The following TCAIM variants were observed in gnomAD, a reference collection of about 807,000 sequenced individuals.
The protein encoded by TCAIM is T cell activation inhibitor, mitochondrial.
Under a neutral mutation model 58.6 loss-of-function variants are expected in TCAIM, and 36 were observed. That is an observed-to-expected ratio of 0.61 (90% confidence interval 0.47 to 0.81). The LOEUF (loss-of-function observed/expected upper bound fraction) is 0.81. TCAIM is among the 30% of genes least tolerant of loss of function. The pLI, the probability that TCAIM is intolerant of heterozygous loss-of-function variation, is 0.00. For synonymous variants in TCAIM, 172 were observed against 193.6 expected (o/e 0.89, Z 0.93); for missense variants, 466 against 579.6 (o/e 0.80, Z 2.01).
chr3:44,357,294 G>A (rs1187178161), intron 2 of TCAIM, among the ~76,000 whole-genome samples: 2 of 146,028 alleles, frequency 1.4e-5, no homozygotes, highest in East Asian at 2.1e-4. Flanking sequence ...CTTGACCCCC[G>A]GAGATCACAC....
rs138165801 is a variant in TCAIM, at chr3:44,378,784, G to A, written c.572+11076G>A. Reference sequence around the variant, plus strand: ...CGAGATCACTCCACGGCAACAGAGCGAGACTCTGTCTCAAAAAAAAAAAAA... The same window carrying A: ...CGAGATCACTCCACGGCAACAGAGCAAGACTCTGTCTCAAAAAAAAAAAAA... On this transcript the variant is annotated intron_variant, in intron 5 of 10. Coordinates refer to ENST00000342649, the MANE Select transcript of TCAIM (RefSeq NM_173826.4). 7.8e-3 allele frequency among the ~76,000 whole-genome samples: 1,154 copies of A among 147,334 alleles called. 16 individuals are homozygous for A. Among genetic ancestry groups the A allele is most frequent in the African/African-American group, 0.028 (1,111 of 39,172 alleles).
intron 1 of TCAIM, among the ~76,000 whole-genome samples, chr3:44,352,221 AC>A: frequency 1.3e-5 from 2 of 151,952 alleles, no homozygotes; most frequent in East Asian, 3.9e-4. Context: ...ATAATGGAAA[AC>A]AGAAAAAGCT....
chr3:44,372,192 G>A (rs1701489135), intron 5 of TCAIM, among the ~76,000 whole-genome samples: 1 of 152,094 alleles, frequency 6.6e-6, no homozygotes, highest in Non-Finnish European at 1.5e-5. Context: ...GGTACCCGTG[G>A]GTGGGCTTGG....
chr3:44,360,588 A>G (rs910198409), intron 3 of TCAIM, among the ~76,000 whole-genome samples: 1 of 150,832 alleles, frequency 6.6e-6, no homozygotes, highest in African/African-American at 2.4e-5. Context: ...TTCACTTCCT[A>G]TATATAATCT....
At chr3:44,383,427 A>G (rs1188686248) in intron 5 of TCAIM, among the ~76,000 whole-genome samples, 1 of 152,186 alleles carries the variant, frequency 6.6e-6, no homozygotes, top group Non-Finnish European at 1.5e-5. Context: ...ATCATGCTAC[A>G]TGAAATAAAC....
chr3:44,379,988 C>T lies in TCAIM; in HGVS notation c.572+12280C>T, dbSNP rs77777341. Among the ~76,000 whole-genome samples the T allele has an allele frequency of 5.8e-3, 876 of 151,970 alleles. 35 individuals are homozygous for T. In the East Asian group the frequency reaches 0.12, roughly 21 times the overall value. On this transcript the variant is annotated intron_variant, in intron 5 of 10. Transcript: ENST00000342649. ...AGAAATGGTCTGTACACGAGACCTC[C>T]GTGACATGAGTTTGCCTTTGTTAAC...
chr3:44,342,286 A>G (rs1366680046), intron 1 of TCAIM, among the ~76,000 whole-genome samples: 1 of 152,204 alleles, frequency 6.6e-6, no homozygotes, highest in African/African-American at 2.4e-5. Context: ...ATGTTTATAT[A>G]TATCCACATG....
chr3:44,380,285 A>G (rs1362714693), intron 5 of TCAIM, among the ~76,000 whole-genome samples: 3 of 152,164 alleles, frequency 2.0e-5, no homozygotes, highest in African/African-American at 7.2e-5. Context: ...AATAATTGGA[A>G]TGTTTCTACA....
intron 2 of TCAIM, among the ~76,000 whole-genome samples, chr3:44,357,326 A>G (rs1343610889): frequency 6.6e-6 from 1 of 151,984 alleles, no homozygotes; most frequent in African/African-American, 2.4e-5. Context: ...AGCCTGGGCA[A>G]CAAAGCAAGA....
intron 10 of TCAIM, 50 bp from the exon 11 acceptor site, chr3:44,407,392 T>G: frequency 7.8e-7 from 1 of 1,288,836 alleles, no homozygotes; most frequent in Non-Finnish European, 1.1e-6. Flanking sequence ...TTTTGTTTGG[T>G]TATGACAATA....
chr3:44,394,722 C>T (rs557433042), intron 6 of TCAIM, among the ~76,000 whole-genome samples: 49 of 149,906 alleles, frequency 3.3e-4, no homozygotes, highest in South Asian at 6.4e-4. Context: ...GGTGAAACCC[C>T]GTCTCTACTA....
intron 5 of TCAIM, among the ~76,000 whole-genome samples, chr3:44,380,294 C>T (rs1199106165): frequency 6.6e-6 from 1 of 151,612 alleles, no homozygotes; most frequent in Non-Finnish European, 1.5e-5. Flanking sequence ...AATGTTTCTA[C>T]AATAAAAGAA....
At chr3:44,348,011 T>G (rs1251103696) in intron 1 of TCAIM, among the ~76,000 whole-genome samples, 1 of 152,148 alleles carries the variant, frequency 6.6e-6, no homozygotes, top group Non-Finnish European at 1.5e-5. Flanking sequence ...ATAAGGGAAC[T>G]GGGCAGGTGG....
intron 5 of TCAIM, among the ~76,000 whole-genome samples, chr3:44,371,173 A>G (rs1172606272): frequency 6.6e-6 from 1 of 151,500 alleles, no homozygotes; most frequent in Non-Finnish European, 1.5e-5. Flanking sequence ...CGACCTCCCA[A>G]AATGCTGGGA....
chr3:44,355,759 G>A (rs991642417), intron 2 of TCAIM, among the ~76,000 whole-genome samples: 1 of 152,206 alleles, frequency 6.6e-6, no homozygotes, highest in Non-Finnish European at 1.5e-5. Flanking sequence ...AGATAATCCT[G>A]GATTGAGTTG....
chr3:44,361,596 C>T (rs1021539405), intron 4 of TCAIM, 78 bp downstream of exon 4: 1 of 1,325,500 alleles, frequency 7.5e-7, no homozygotes, highest in Admixed American at 2.9e-5. Flanking sequence ...TGCCAGAATA[C>T]CTTTGGATGA....
chr3:44,396,930 GTGT>G, intron 8 of TCAIM, 96 bp downstream of exon 8: 1 of 1,259,628 alleles, frequency 7.9e-7, no homozygotes, highest in Non-Finnish European at 1.1e-6. Context: ...AAGGTTTGTT[GTGT>G]TTTTGTTTTT....
At chr3:44,390,498 T>C (rs1701816545) in intron 5 of TCAIM, among the ~76,000 whole-genome samples, 2 of 152,094 alleles carry the variant, frequency 1.3e-5, no homozygotes, top group Admixed American at 1.3e-4. Context: ...TAGTACATGC[T>C]TGTAGTCCCA....
intron 2 of TCAIM, 97 bp from the exon 3 acceptor site, chr3:44,357,643 CT>C: frequency 3.4e-6 from 5 of 1,450,004 alleles, no homozygotes; most frequent in Non-Finnish European, 4.6e-6. Flanking sequence ...CTTGTTTCTG[CT>C]GTGCATAGTA....
Sources: gnomAD v4.1 joint callset for allele counts (sites outside exome capture counted in the v4.1 genomes callset) on GRCh38, gnomAD v4.1.1 for gene constraint, MANE v1.5 for transcripts, NCBI Gene and HGNC (gene_info 2026-07-23, HGNC 2026-07-21) for gene names.